The following FOXO3 variants were observed in gnomAD, a reference collection of about 807,000 sequenced individuals.
FOXO3 encodes forkhead box protein O3.
A neutral mutation model predicts 41.9 loss-of-function variants in FOXO3; 4 were observed. The observed-to-expected ratio is 0.10, with a 90% confidence interval of 0.05 to 0.22. FOXO3 has a LOEUF of 0.22. Ranked by LOEUF, FOXO3 falls within the 10% of genes least tolerant of loss-of-function variation. The pLI, the probability that FOXO3 is intolerant of heterozygous loss-of-function variation, is 1.00. For missense variants in FOXO3, 534 were observed against 906.8 expected (o/e 0.59, Z 5.28); for synonymous variants, 318 against 389.3 (o/e 0.82, Z 2.16).
intron 1 of FOXO3, among the ~76,000 whole-genome samples, chr6:108,579,431 G>A (rs896974616): frequency 6.6e-6 from 1 of 152,224 alleles, no homozygotes; most frequent in Admixed American, 6.5e-5. Context: ...TGGGGTCAGA[G>A]TTTGGAGGAA....
chr6:108,579,919 G>T (rs1182635885), intron 1 of FOXO3, among the ~76,000 whole-genome samples: 1 of 152,170 alleles, frequency 6.6e-6, no homozygotes, highest in African/African-American at 2.4e-5. Flanking sequence ...GAGGCCTCTG[G>T]TTTTGAGACG....
Position 108,682,684 on chromosome 6 carries a change from C to T in FOXO3, c.*2892C>T, listed in dbSNP as rs1031392546. 6 of 152,244 alleles carry T rather than the reference C, an allele frequency of 3.9e-5. No individual in the cohort carries two copies. The highest frequency in any genetic ancestry group is 4.1e-4 in the South Asian group (2 of 4,830). 9.4% of individuals were successfully genotyped at this position (152,244 alleles called of 1,614,324 possible). On this transcript the variant is annotated 3_prime_UTR_variant, in exon 3 of 3. Coordinates refer to ENST00000406360, the MANE Select transcript of FOXO3 (RefSeq NM_001455.4). ...GACCCTGCTTTCAGGACAGGCCAGC[C>T]GTTGGCCACCATGTCACATTCTGAG...
intron 1 of FOXO3, among the ~76,000 whole-genome samples, chr6:108,569,882 CAG>C (rs1776044542): frequency 6.6e-6 from 1 of 150,536 alleles, no homozygotes; most frequent in South Asian, 2.1e-4. Context: ...GTAAACCCAA[CAG>C]AGATGTGTTT....
intron 2 of FOXO3, among the ~76,000 whole-genome samples, chr6:108,672,462 A>T (rs1378010334): frequency 1.3e-5 from 2 of 152,242 alleles, no homozygotes; most frequent in Non-Finnish European, 2.9e-5. Context: ...CTGTAGAGCC[A>T]CTGGACACTG....
At chr6:108,674,045 G>A (rs1055386993) in intron 2 of FOXO3, among the ~76,000 whole-genome samples, 7 of 152,198 alleles carry the variant, frequency 4.6e-5, no homozygotes, top group African/African-American at 7.2e-5. Flanking sequence ...TTGAGAATTA[G>A]TTGAATGTTA....
In FOXO3 at chr6:108,666,926, C is replaced by T. The variant is rs1046116986; in HGVS notation, c.*34+2037C>T. On this transcript the variant is annotated intron_variant, in intron 2 of 2. Coordinates refer to ENST00000406360, the MANE Select transcript of FOXO3 (RefSeq NM_001455.4). ...TGTTTTAGTCTCAGCAAGCTACTTACAGGCTTCTTTAAGTGGTGTAAAAAG... is the reference window on the plus strand; with the variant it reads ...TGTTTTAGTCTCAGCAAGCTACTTATAGGCTTCTTTAAGTGGTGTAAAAAG... 7.2e-5 allele frequency among the ~76,000 whole-genome samples: 11 copies of T among 152,214 alleles called. No individual in the cohort carries two copies. The South Asian group carries it at 2.3e-3, about 32-fold the overall frequency.
intron 1 of FOXO3, among the ~76,000 whole-genome samples, chr6:108,614,508 T>A (rs1777441143): frequency 6.6e-6 from 1 of 152,114 alleles, no homozygotes; most frequent in Non-Finnish European, 1.5e-5. Flanking sequence ...TGAAATCTGT[T>A]CATTAATAAC....
At chr6:108,589,563 C>G (rs1327771222) in intron 1 of FOXO3, among the ~76,000 whole-genome samples, 1 of 152,216 alleles carries the variant, frequency 6.6e-6, no homozygotes, top group Non-Finnish European at 1.5e-5. Flanking sequence ...GTCAGGCAGC[C>G]TTTTCCGGGT....
chr6:108,662,300 C>T (rs1352814141), intron 1 of FOXO3, among the ~76,000 whole-genome samples: 1 of 152,196 alleles, frequency 6.6e-6, no homozygotes, highest in Admixed American at 6.5e-5. Context: ...ATTATCAGCT[C>T]ATCTTATCCT....
chr6:108,621,999 C>A (rs1240181226), intron 1 of FOXO3, among the ~76,000 whole-genome samples: 2 of 151,958 alleles, frequency 1.3e-5, no homozygotes, highest in African/African-American at 4.8e-5. Flanking sequence ...ACCTAGTAAT[C>A]CCAGTACTTT....
chr6:108,604,668 C>A (rs1777142363), intron 1 of FOXO3, among the ~76,000 whole-genome samples: 1 of 151,934 alleles, frequency 6.6e-6, no homozygotes, highest in Admixed American at 6.6e-5. Flanking sequence ...AAGAAAACAG[C>A]CAGTTTGGAT....
intron 1 of FOXO3, among the ~76,000 whole-genome samples, chr6:108,635,820 A>G (rs1778106562): frequency 6.6e-6 from 1 of 152,236 alleles, no homozygotes; most frequent in South Asian, 2.1e-4. Flanking sequence ...TTTCTGGACC[A>G]TGCTGACCTA....
chr6:108,640,427 A>G (rs746845638), intron 1 of FOXO3, among the ~76,000 whole-genome samples: 4 of 152,338 alleles, frequency 2.6e-5, no homozygotes, highest in East Asian at 1.9e-4. Flanking sequence ...GCAGTATACA[A>G]TTTGGATCAG....
At chr6:108,616,513 G>A (rs781237093) in intron 1 of FOXO3, among the ~76,000 whole-genome samples, 21 of 152,014 alleles carry the variant, frequency 1.4e-4, no homozygotes, top group Non-Finnish European at 2.5e-4. Context: ...GGCCAGGCTG[G>A]TCTCAACTCC....
intron 1 of FOXO3, among the ~76,000 whole-genome samples, chr6:108,595,539 T>C (rs1337444456): frequency 6.6e-6 from 1 of 152,184 alleles, no homozygotes; most frequent in Admixed American, 6.5e-5. Flanking sequence ...TTTTTGTAGT[T>C]TCTGTAACTT....
rs1007014029 is a variant in FOXO3, at chr6:108,620,867, T to G, written c.622-42588T>G. 3.3e-5 allele frequency among the ~76,000 whole-genome samples: 5 copies of G among 152,336 alleles called. No individual in the cohort carries two copies. The East Asian group carries it at 9.6e-4, about 29-fold the overall frequency. ...GTGTTTTTATTGAATAGTGTTTTAT[T>G]GCTGACATTCAATACTCTCTTTGCC... On this transcript the variant is annotated intron_variant, in intron 1 of 2. Transcript: ENST00000406360.
At chr6:108,605,056 T>A (rs892716055) in intron 1 of FOXO3, among the ~76,000 whole-genome samples, 2 of 152,234 alleles carry the variant, frequency 1.3e-5, no homozygotes, top group South Asian at 4.1e-4. Context: ...AACTTTTTAG[T>A]TGAGATAAAT....
intron 1 of FOXO3, among the ~76,000 whole-genome samples, chr6:108,655,315 T>C (rs978273447): frequency 6.6e-6 from 1 of 152,210 alleles, no homozygotes; most frequent in Non-Finnish European, 1.5e-5. Flanking sequence ...GCTCTTATTC[T>C]GCACATAAAA....
intron 1 of FOXO3, among the ~76,000 whole-genome samples, chr6:108,562,118 T>C (rs751517155): frequency 2.2e-4 from 33 of 151,900 alleles, no homozygotes; most frequent in Admixed American, 1.2e-3. Flanking sequence ...GTACATTTGC[T>C]GGATTCTCCG....
Sources: gnomAD v4.1 joint callset for allele counts (sites outside exome capture counted in the v4.1 genomes callset) on GRCh38, gnomAD v4.1.1 for gene constraint, MANE v1.5 for transcripts, NCBI Gene and HGNC (gene_info 2026-07-23, HGNC 2026-07-21) for gene names.